The following ERI3 variants were observed in gnomAD, a reference collection of about 807,000 sequenced individuals.
ERI3 encodes the protein ERI1 exoribonuclease family member 3.
In ERI3, 18 loss-of-function variants were observed where a neutral mutation model predicts 44.4. The observed-to-expected ratio is 0.41, with a 90% CI of 0.28 to 0.60. The LOEUF (loss-of-function observed/expected upper bound fraction) is 0.60. Ranked by LOEUF, ERI3 falls within the 20% of genes least tolerant of loss-of-function variation. The pLI is 0.36. For synonymous variants in ERI3, 183 were observed against 164.8 expected, an observed-to-expected ratio of 1.11 and a Z score of -0.84; for missense variants, 294 against 435.5, an observed-to-expected ratio of 0.68 and a Z score of 2.89.
intron 6 of ERI3, among the ~76,000 whole-genome samples, chr1:44,303,729 T>C (rs947870988): frequency 2.0e-5 from 3 of 152,008 alleles, no homozygotes; most frequent in Non-Finnish European, 2.9e-5. Context: ...AGCAAGAACC[T>C]TGAAAGTCCC....
intron 7 of ERI3, among the ~76,000 whole-genome samples, chr1:44,253,126 A>T (rs1644715646): frequency 6.6e-6 from 1 of 151,978 alleles, no homozygotes; most frequent in African/African-American, 2.4e-5. Flanking sequence ...ATACTACCTA[A>T]CTCTCTATCC....
At chr1:44,233,459 A>G (rs1479933970) in intron 8 of ERI3, among the ~76,000 whole-genome samples, 1 of 149,284 alleles carries the variant, frequency 6.7e-6, no homozygotes, top group Non-Finnish European at 1.5e-5. Context: ...GCTGGAGTGC[A>G]ATGGTACGGT....
intron 8 of ERI3, among the ~76,000 whole-genome samples, chr1:44,231,649 GTTCAC>G (rs1383496377): frequency 6.6e-6 from 1 of 152,066 alleles, no homozygotes; most frequent in African/African-American, 2.4e-5. Flanking sequence ...CCCGGCCCTT[GTTCAC>G]TTCTGATGAT....
In ERI3 at chr1:44,355,204, C is replaced by G; in HGVS notation, c.-178G>C. On this transcript the variant is annotated 5_prime_UTR_variant, in exon 1 of 9. Transcript: ENST00000372257. ...CTCCGCCCGCTCCCCACCGCCCGTT[C>G]CCGGCCGCCTGAACAGCGGCAGCCA... 8.4e-7 allele frequency: 1 copy of G among 1,195,168 alleles called. No individual in the cohort carries two copies. The highest frequency in any genetic ancestry group is 1.0e-6 in the Non-Finnish European group (1 of 964,474). The allele number at this position is 1,195,168 out of a possible 1,614,324, so 74.0% of individuals were successfully genotyped here. A position where few individuals can be genotyped will look rare whatever the true frequency, so the allele number is the denominator to read the frequency against.
intron 6 of ERI3, among the ~76,000 whole-genome samples, chr1:44,288,806 C>T (rs924578275): frequency 6.6e-6 from 1 of 151,392 alleles, no homozygotes; most frequent in Non-Finnish European, 1.5e-5. Context: ...AGCCTAAGGT[C>T]GGTGGGTATC....
chr1:44,223,949 C>T (rs1039887356), intron 8 of ERI3, among the ~76,000 whole-genome samples: 11 of 152,218 alleles, frequency 7.2e-5, no homozygotes, highest in South Asian at 2.1e-4. Context: ...AAACCCTAAA[C>T]GTCCAATCAC....
At chr1:44,307,930 T>C (rs1645874514) in intron 6 of ERI3, among the ~76,000 whole-genome samples, 1 of 152,246 alleles carries the variant, frequency 6.6e-6, no homozygotes, top group Non-Finnish European at 1.5e-5. Flanking sequence ...CTACTTTATA[T>C]GGTTGACAAA....
chr1:44,341,519 A>G (rs1465772681), intron 2 of ERI3, among the ~76,000 whole-genome samples: 1 of 152,156 alleles, frequency 6.6e-6, no homozygotes, highest in South Asian at 2.1e-4. Flanking sequence ...AGCATACTAT[A>G]TATACCCTAT....
At chr1:44,257,912 TC>T (rs1311024755) in intron 7 of ERI3, among the ~76,000 whole-genome samples, 1 of 152,202 alleles carries the variant, frequency 6.6e-6, no homozygotes, top group Non-Finnish European at 1.5e-5. Flanking sequence ...ACTGGGATGT[TC>T]CTCCATTTCC....
At chr1:44,288,846 G>GAA (rs550375544) in intron 6 of ERI3, among the ~76,000 whole-genome samples, 1 of 141,142 alleles carries the variant, frequency 7.1e-6, no homozygotes. Flanking sequence ...CAATTTCTCA[G>GAA]AAAAAAAAAA....
At chr1:44,334,629 A>G (rs1557860935) in intron 3 of ERI3, among the ~76,000 whole-genome samples, 1 of 152,244 alleles carries the variant, frequency 6.6e-6, no homozygotes, top group East Asian at 1.9e-4. Flanking sequence ...TATCATGTTA[A>G]TCTGAATCAA....
intron 6 of ERI3, among the ~76,000 whole-genome samples, chr1:44,290,097 G>C (rs760295017): frequency 5.3e-5 from 8 of 152,240 alleles, no homozygotes; most frequent in Non-Finnish European, 1.2e-4. Context: ...GCAGACTCTG[G>C]AGGCCTCCTT....
Position 44,339,322 on chromosome 1 carries a change from A to C in ERI3, c.212T>G (p.Val71Gly), listed in dbSNP as rs1646600676. 3 of 1,491,154 alleles carry C rather than the reference A, an allele frequency of 2.0e-6. No individual in the cohort carries two copies. The highest frequency in any genetic ancestry group is 2.7e-6 in the Non-Finnish European group (3 of 1,117,444). 92.4% of individuals were successfully genotyped at this position (1,491,154 alleles called of 1,614,324 possible). ...AGLGIFEVRR[V>G]LDASGCSMLA... ...CATTGAACATCCAGAAGCATCTAAA[A>C]CTTAGGGGAGGAAAGTTTAAAAAAA... is the stretch of plus-strand genomic sequence containing the variant. Residue 71 changes from valine to glycine, a missense_variant and splice_region_variant, in exon 3 of 9, where the codon GTT becomes GGT. This residue lies in a region of ERI3 where 107 missense variants were observed against 96.9 expected (regional missense o/e 1.10). Coordinates refer to ENST00000372257, the MANE Select transcript of ERI3 (RefSeq NM_024066.3).
intron 7 of ERI3, among the ~76,000 whole-genome samples, chr1:44,251,513 G>A (rs1478905006): frequency 6.6e-6 from 1 of 152,182 alleles, no homozygotes; most frequent in East Asian, 1.9e-4. Context: ...CAGAGCAGGA[G>A]GATCAGCAAG....
At chr1:44,354,709 C>T (rs1646962364) in intron 1 of ERI3, 183 bp downstream of exon 1, 1 of 985,316 alleles carries the variant, frequency 1.0e-6, no homozygotes, top group Admixed American at 6.1e-5. Context: ...ACTCACCCAT[C>T]CTGTCTTGCA....
intron 7 of ERI3, among the ~76,000 whole-genome samples, chr1:44,269,562 A>G (rs1288527592): frequency 6.6e-6 from 1 of 152,204 alleles, no homozygotes; most frequent in East Asian, 1.9e-4. Flanking sequence ...ACATACAGAC[A>G]TGCATATACA....
chr1:44,342,058 C>T (rs1206883455), intron 2 of ERI3, among the ~76,000 whole-genome samples: 2 of 152,170 alleles, frequency 1.3e-5, no homozygotes, highest in African/African-American at 2.4e-5. Context: ...GTAGCTCTTC[C>T]TCTTCCCTTC....
At chr1:44,285,904 G>A (rs1013984584) in intron 6 of ERI3, among the ~76,000 whole-genome samples, 1 of 152,194 alleles carries the variant, frequency 6.6e-6, no homozygotes, top group Non-Finnish European at 1.5e-5. Context: ...CTGATGAGTT[G>A]TGATTTACCA....
At chr1:44,278,531 AAC>A (rs1357691188) in intron 7 of ERI3, among the ~76,000 whole-genome samples, 3 of 152,096 alleles carry the variant, frequency 2.0e-5, no homozygotes, top group African/African-American at 7.2e-5. Context: ...TTATACAATT[AAC>A]AGTTTAAAAT....
Sources: gnomAD v4.1 joint callset for allele counts (sites outside exome capture counted in the v4.1 genomes callset) on GRCh38, gnomAD v4.1.1 for gene constraint, gnomAD v4.1.1 regional missense constraint, MANE v1.5 for transcripts, NCBI Gene and HGNC (gene_info 2026-07-23, HGNC 2026-07-21) for gene names.